Variants in ANK2 observed in about 807,000 individuals in gnomAD.
ANK2 encodes ankyrin 2.
Under a neutral mutation model 360.5 loss-of-function variants are expected in ANK2, and 83 were observed. The observed-to-expected ratio is 0.23, with a 90% CI of 0.19 to 0.28. The LOEUF (loss-of-function observed/expected upper bound fraction) is 0.28, where lower values mean the gene tolerates loss of function less well. Ranked by LOEUF, ANK2 falls within the 10% of genes least tolerant of loss-of-function variation. The probability of loss-of-function intolerance (pLI) is 1.00; values close to 1 mark genes in which losing one functional copy is unlikely to be tolerated. For synonymous variants in ANK2, 1,740 were observed against 1,759.5 expected (o/e 0.99, Z 0.28); for missense variants, 4,201 against 4,795.7 (o/e 0.88, Z 3.66).
intron 45 of ANK2, among the ~76,000 whole-genome samples, chr4:113,379,853 A>C (rs2097106124): frequency 6.6e-6 from 1 of 152,248 alleles, no homozygotes; most frequent in African/African-American, 2.4e-5. Flanking sequence ...GATGATCGTA[A>C]CAAATGCATA....
At chr4:113,074,715 G>A (rs1397461536) in intron 1 of ANK2, among the ~76,000 whole-genome samples, 1 of 152,112 alleles carries the variant, frequency 6.6e-6, no homozygotes, top group Non-Finnish European at 1.5e-5. Context: ...CAAAGACTAG[G>A]ATGAGAAAAG....
intron 22 of ANK2, among the ~76,000 whole-genome samples, chr4:113,299,909 G>A (rs767241265): frequency 1.4e-4 from 21 of 151,968 alleles, no homozygotes; most frequent in Non-Finnish European, 3.1e-4. Context: ...GATCCCTATG[G>A]ATTTTGATTT....
intron 2 of ANK2, among the ~76,000 whole-genome samples, chr4:113,023,901 TG>T (rs1431577981): frequency 6.6e-6 from 1 of 152,184 alleles, no homozygotes; most frequent in South Asian, 2.1e-4. Context: ...ATGCACAGAT[TG>T]GGGGAACATA....
At chr4:112,729,769 A>T in the ANK2 span, among the ~76,000 whole-genome samples, 3 of 151,518 alleles carry the variant, frequency 2.0e-5, no homozygotes, top group Non-Finnish European at 4.4e-5. Context: ...AAAGAAAAGA[A>T]AGAAAGAAAA....
At chr4:112,742,519 A>G in the ANK2 span, among the ~76,000 whole-genome samples, 2 of 152,030 alleles carry the variant, frequency 1.3e-5, no homozygotes, top group South Asian at 4.1e-4. Flanking sequence ...CTTGATAAGG[A>G]GGAGTTTGAG....
intron 1 of ANK2, among the ~76,000 whole-genome samples, chr4:113,150,085 C>T (rs1026571980): frequency 2.6e-5 from 4 of 151,912 alleles, no homozygotes; most frequent in African/African-American, 7.3e-5. Flanking sequence ...GTGCAGGCCT[C>T]GGTGCTCTGG....
At chr4:112,800,798 GT>G in the ANK2 span, among the ~76,000 whole-genome samples, 1 of 152,080 alleles carries the variant, frequency 6.6e-6, no homozygotes, top group Non-Finnish European at 1.5e-5. Flanking sequence ...GGGATTACAG[GT>G]GCCCGCCAAT....
chr4:112,929,214 T>G (rs947054698), intron 2 of ANK2, among the ~76,000 whole-genome samples: 2 of 152,178 alleles, frequency 1.3e-5, no homozygotes, highest in African/African-American at 4.8e-5. Flanking sequence ...CTCAGATTAG[T>G]CTATAAATAG....
intron 1 of ANK2, among the ~76,000 whole-genome samples, chr4:112,844,469 A>G (rs1579525404): frequency 6.6e-6 from 1 of 152,348 alleles, no homozygotes; most frequent in East Asian, 1.9e-4. Context: ...TTCCTTTATC[A>G]GGAACTGTGC....
At chr4:113,052,541 C>T (rs2067538242) in intron 1 of ANK2, among the ~76,000 whole-genome samples, 1 of 152,096 alleles carries the variant, frequency 6.6e-6, no homozygotes, top group South Asian at 2.1e-4. Flanking sequence ...GGTCTTTTGC[C>T]ACCAGACCTA....
chr4:113,174,020 C>A, intron 1 of ANK2: 2 of 191,468 alleles, frequency 1.0e-5, no homozygotes, highest in South Asian at 9.6e-5. Flanking sequence ...ATTTCTTTAG[C>A]TTTCTGATTC....
Position 113,358,305 on chromosome 4 carries a change from A to C in ANK2, c.9687A>C (p.Gln3229His). The change falls in exon 38 of 46, where the codon CAA becomes CAC. Residue 3229 changes from glutamine (Q) to histidine (H), a missense_variant. Coordinates refer to ENST00000357077, the MANE Select transcript of ANK2 (RefSeq NM_001148.6). ...GGACCAAGGACCTCCCCACCGTGCA[A>C]ACGGGTGATATACCTCCTCTCTCTG... ...SVGTKDLPTV[Q>H]TGDIPPLSGV... 1 of 1,613,484 alleles carries C rather than the reference A, an allele frequency of 6.2e-7. No homozygotes were observed.
intron 17 of ANK2, among the ~76,000 whole-genome samples, chr4:113,280,961 A>G (rs1476373974): frequency 6.6e-6 from 1 of 152,222 alleles, no homozygotes; most frequent in Admixed American, 6.5e-5. Context: ...TTTTCAATAG[A>G]GTCTATGGAC....
chr4:112,996,999 T>C (rs1296844525), intron 2 of ANK2, among the ~76,000 whole-genome samples: 1 of 152,150 alleles, frequency 6.6e-6, no homozygotes, highest in Non-Finnish European at 1.5e-5. Context: ...TTTTTCACTC[T>C]CTGTCTAGTA....
At chr4:113,038,651 C>A (rs1047537641) in intron 2 of ANK2, among the ~76,000 whole-genome samples, 1 of 152,000 alleles carries the variant, frequency 6.6e-6, no homozygotes, top group Non-Finnish European at 1.5e-5. Context: ...TCTGGAAGGG[C>A]CCTGTGACTG....
intron 41 of ANK2, 130 bp from the exon 42 acceptor site, chr4:113,367,436 C>G (rs2096576545): frequency 1.2e-6 from 1 of 832,396 alleles, no homozygotes; most frequent in Non-Finnish European, 1.9e-6. Flanking sequence ...TCTTTGTAAT[C>G]CATGGGCCCA....
intron 17 of ANK2, among the ~76,000 whole-genome samples, chr4:113,279,796 A>G (rs1427625628): frequency 2.0e-5 from 3 of 151,468 alleles, no homozygotes; most frequent in African/African-American, 4.8e-5. Context: ...AACAGTTTAT[A>G]ATAAAGTACT....
At chr4:112,952,598 A>G (rs1481879355) in intron 2 of ANK2, among the ~76,000 whole-genome samples, 1 of 152,184 alleles carries the variant, frequency 6.6e-6, no homozygotes, top group African/African-American at 2.4e-5. Flanking sequence ...GAAGAGTAAT[A>G]CCATGATGTA....
At chr4:112,858,527 A>G (rs550177851) in intron 1 of ANK2, among the ~76,000 whole-genome samples, 1 of 152,322 alleles carries the variant, frequency 6.6e-6, no homozygotes, top group East Asian at 1.9e-4. Context: ...CTAATCTATT[A>G]GAACCAATTT....
Sources: gnomAD v4.1 joint callset for allele counts (sites outside exome capture counted in the v4.1 genomes callset) on GRCh38, gnomAD v4.1.1 for gene constraint, MANE v1.5 for transcripts, NCBI Gene and HGNC (gene_info 2026-07-23, HGNC 2026-07-21) for gene names.